Variants in TESK2 observed in about 807,000 individuals in gnomAD.
The protein encoded by TESK2 is dual specificity testis-specific protein kinase 2.
Under a neutral mutation model 57.1 loss-of-function variants are expected in TESK2, and 39 were observed. The ratio of observed to expected loss-of-function variants is 0.68; its 90% confidence interval spans 0.53 to 0.89. TESK2 has a LOEUF of 0.89. TESK2 is among the 40% of genes least tolerant of loss of function. The pLI is 0.00. For missense variants in TESK2, 646 were observed against 732.1 expected, an observed-to-expected ratio of 0.88 and a Z score of 1.36; for synonymous variants, 249 against 267.9, an observed-to-expected ratio of 0.93 and a Z score of 0.69.
At chr1:45,395,833 A>C (rs939398158) in intron 3 of TESK2, among the ~76,000 whole-genome samples, 3 of 152,036 alleles carry the variant, frequency 2.0e-5, no homozygotes. Context: ...CATGCCTTAT[A>C]ACTTTTTTAC....
intron 5 of TESK2, among the ~76,000 whole-genome samples, chr1:45,351,649 G>A (rs1647233302): frequency 6.6e-6 from 1 of 152,156 alleles, no homozygotes; most frequent in African/African-American, 2.4e-5. Flanking sequence ...TGGACTGATC[G>A]CTCCTGCAAA....
intron 3 of TESK2, among the ~76,000 whole-genome samples, chr1:45,402,008 G>A (rs1389738751): frequency 2.0e-5 from 3 of 151,374 alleles, no homozygotes; most frequent in Non-Finnish European, 4.4e-5. Context: ...ATGTTAAAAC[G>A]TGGACATAAT....
intron 3 of TESK2, among the ~76,000 whole-genome samples, chr1:45,417,599 T>TA (rs899204255): frequency 6.8e-6 from 1 of 146,142 alleles, no homozygotes; most frequent in African/African-American, 2.5e-5. Context: ...TTATGTTTTC[T>TA]TTTTTTTTTT....
intron 1 of TESK2, among the ~76,000 whole-genome samples, chr1:45,463,826 C>A (rs1185930337): frequency 6.6e-6 from 1 of 152,036 alleles, no homozygotes; most frequent in South Asian, 2.1e-4. Flanking sequence ...TAGGCTCAAG[C>A]GATCCACCCT....
Position 45,355,285 on chromosome 1 carries a change from A to G in TESK2, c.540+18T>C, listed in dbSNP as rs749193506. ...GGGTGGTATCTCTCAATGAGTTGTG[A>G]GAGTAAAGCCTTCATACCTTAGATG... On this transcript the variant is annotated intron_variant, in intron 5 of 10. Transcript: ENST00000372086. 2 of 1,612,504 alleles carry G rather than the reference A, an allele frequency of 1.2e-6. No individual in the cohort carries two copies. Among genetic ancestry groups the G allele is most frequent in the South Asian group, 2.2e-5 (2 of 90,534 alleles).
rs201273184 is a variant in TESK2, at chr1:45,426,313, ACT to A, written c.223-4469_223-4468del. 3.5e-3 allele frequency among the ~76,000 whole-genome samples: 533 copies of A among 152,282 alleles called. 7 individuals are homozygous for A. Among genetic ancestry groups the A allele is most frequent in the East Asian group, 0.031 (162 of 5,184 alleles). ...TAACAAATCCATAAATCTACAATAA[ACT>A]CTCATTTTCAACAAAAGTACCAAGA... On this transcript the variant is annotated intron_variant, in intron 2 of 10. Transcript: ENST00000372086.
intron 3 of TESK2, among the ~76,000 whole-genome samples, chr1:45,419,728 C>A (rs1488613782): frequency 6.6e-6 from 1 of 152,080 alleles, no homozygotes; most frequent in Non-Finnish European, 1.5e-5. Flanking sequence ...ATCACTTGAA[C>A]CCAGGAGGTG....
chr1:45,435,759 G>A (rs1433364622), intron 2 of TESK2, among the ~76,000 whole-genome samples: 3 of 151,236 alleles, frequency 2.0e-5, no homozygotes, highest in Non-Finnish European at 4.4e-5. Flanking sequence ...ATTTGAGACA[G>A]AGTCTCACTC....
intron 3 of TESK2, among the ~76,000 whole-genome samples, chr1:45,420,564 A>ATTTTTT (rs200053502): frequency 1.6e-5 from 2 of 125,712 alleles, no homozygotes; most frequent in Non-Finnish European, 3.4e-5. Context: ...GCCAAATAAA[A>ATTTTTT]TTTTTTTTTT....
chr1:45,357,964 A>G (rs1647509751), intron 4 of TESK2, among the ~76,000 whole-genome samples: 2 of 136,006 alleles, frequency 1.5e-5, no homozygotes, highest in Non-Finnish European at 3.1e-5. Context: ...AGATTGCACC[A>G]TTGTACTCCA....
chr1:45,425,282 A>C (rs1650641775), intron 2 of TESK2, among the ~76,000 whole-genome samples: 1 of 152,228 alleles, frequency 6.6e-6, no homozygotes, highest in Non-Finnish European at 1.5e-5. Context: ...CTGAAAAAGA[A>C]ACCAAAAAGT....
At position 45,344,948 on chromosome 1, in the gene TESK2, CGCAGGGCA is replaced by C; in HGVS notation, c.1600_1607del (p.Cys534GlyfsTer4). On this transcript the variant is annotated frameshift_variant, in exon 11 of 11. Transcript: ENST00000372086. LOFTEE classifies it high-confidence loss of function. ...CTACCTCCATCTCCTCAGAAGCACC[CGCAGGGCA>C]TGGACTGGTCCCCTGGGGCCTGGAC... The C allele has an allele frequency of 6.2e-7, 1 of 1,614,258 alleles. No homozygotes were observed. The highest frequency in any genetic ancestry group is 8.5e-7 in the Non-Finnish European group (1 of 1,180,050).
rs562697618 is a variant in TESK2 at position 45,368,739 on chromosome 1, T to C, written c.394-13290A>G. ...TTGCCCAGGTGTGAGCCACTGCACC[T>C]GGCTGGTTTTTGTTTGTTTGTTTTT... is the stretch of plus-strand genomic sequence containing the variant. On this transcript the variant is annotated intron_variant, in intron 4 of 10. Coordinates refer to ENST00000372086, the MANE Select transcript of TESK2 (RefSeq NM_007170.3). Among the ~76,000 whole-genome samples the C allele has an allele frequency of 5.9e-5, 9 of 152,032 alleles. No homozygotes were observed. In the East Asian group the frequency reaches 1.7e-3, roughly 30 times the overall value.
In TESK2 at chr1:45,345,965, C is replaced by T. The variant is rs754794946; in HGVS notation, c.909G>A (p.Val303=). ...NMDPKLRPSF[V]EIGKTLEEIL... The stretch of plus-strand genomic sequence containing the variant: ...TTTCCTCCAGGGTCTTCCCAATCTC[C>T]ACAAAAGATGGGCGCAGTTTGGGAT... Residue 303 remains valine, a synonymous_variant, in exon 10 of 11, where the codon GTG becomes GTA. Coordinates refer to ENST00000372086, the MANE Select transcript of TESK2 (RefSeq NM_007170.3). The T allele has an allele frequency of 9.9e-6, 16 of 1,614,152 alleles. No homozygotes were observed. The highest frequency in any genetic ancestry group is 1.7e-5 in the Admixed American group (1 of 60,010).
chr1:45,429,588 A>G (rs371909292), intron 2 of TESK2, among the ~76,000 whole-genome samples: 5 of 152,294 alleles, frequency 3.3e-5, no homozygotes, highest in South Asian at 4.1e-4. Flanking sequence ...TACAGGAGGC[A>G]TAACAGTTTT....
At position 45,379,436 on chromosome 1, in the gene TESK2, G is replaced by A. The variant is rs912054492; in HGVS notation, c.393+6476C>T. Among the ~76,000 whole-genome samples, 21 of 152,242 alleles carry A rather than the reference G, an allele frequency of 1.4e-4. No individual in the cohort carries two copies. In the South Asian group the frequency reaches 4.2e-3, roughly 30 times the overall value. ...GCCTCTCAACCTCCCAAAGTGCTGG[G>A]GTCACAGGTGTGAAGCCACTGGACA... On this transcript the variant is annotated intron_variant, in intron 4 of 10. Transcript: ENST00000372086.
At position 45,392,847 on chromosome 1, in the gene TESK2, C is replaced by T. The variant is rs1406258093; in HGVS notation, c.345-6887G>A. The stretch of plus-strand genomic sequence containing the variant: ...CATGAGCCACTATGCCGGGCCAAGG[C>T]TTTTAAGAGTACAGATCTTGTCTCA... On this transcript the variant is annotated intron_variant, in intron 3 of 10. Transcript: ENST00000372086. Among the ~76,000 whole-genome samples, 4 of 152,266 alleles carry T rather than the reference C, an allele frequency of 2.6e-5. No homozygotes were observed. In the East Asian group the frequency reaches 7.7e-4, roughly 29 times the overall value.
chr1:45,397,027 C>T (rs1371229382), intron 3 of TESK2, among the ~76,000 whole-genome samples: 1 of 151,746 alleles, frequency 6.6e-6, no homozygotes, highest in African/African-American at 2.4e-5. Flanking sequence ...CCATGTTGGC[C>T]AGGCGGGTCT....
chr1:45,346,627 A>G (rs933872873), intron 9 of TESK2, 66 bp downstream of exon 9: 5 of 1,377,196 alleles, frequency 3.6e-6, no homozygotes, highest in Non-Finnish European at 5.1e-6. Flanking sequence ...CTCTCTGTAC[A>G]GTCCTAACCA....
Sources: allele counts gnomAD v4.1 joint callset (sites outside exome capture counted in the v4.1 genomes callset), GRCh38; gene constraint gnomAD v4.1.1; transcripts MANE v1.5; gene names NCBI Gene and HGNC (gene_info 2026-07-23, HGNC 2026-07-21).